The following NUSAP1 variants were observed in gnomAD, a reference collection of about 807,000 sequenced individuals.
NUSAP1 encodes the protein nucleolar and spindle-associated protein 1.
NUSAP1 carries 32 observed loss-of-function variants against 52.8 expected under a neutral mutation model. The observed-to-expected ratio is 0.61, with a 90% CI of 0.46 to 0.81. NUSAP1 has a LOEUF of 0.81. Among genes scored for constraint, NUSAP1 ranks in the 40% least tolerant of loss-of-function variants. The pLI is 0.00. For synonymous variants in NUSAP1, 195 were observed against 183.1 expected (o/e 1.06, Z -0.52); for missense variants, 499 against 522.3 (o/e 0.96, Z 0.43).
intron 2 of NUSAP1, among the ~76,000 whole-genome samples, chr15:41,346,914 T>C (rs1318652400): frequency 6.6e-6 from 1 of 151,890 alleles, no homozygotes; most frequent in East Asian, 1.9e-4. Flanking sequence ...GGCTCACGCC[T>C]GTAATCCCAC....
At chr15:41,340,126 G>A (rs1023732699) in intron 1 of NUSAP1, among the ~76,000 whole-genome samples, 12 of 152,044 alleles carry the variant, frequency 7.9e-5, no homozygotes, top group African/African-American at 2.9e-4. Flanking sequence ...CCAGCCTCTG[G>A]TCACATCTCT....
At chr15:41,364,641 G>A (rs1387207727) in intron 6 of NUSAP1, among the ~76,000 whole-genome samples, 1 of 151,872 alleles carries the variant, frequency 6.6e-6, no homozygotes, top group Non-Finnish European at 1.5e-5. Flanking sequence ...ACCAAGGCAG[G>A]CAGATCACTT....
At chr15:41,365,967 A>G (rs180855734) in intron 7 of NUSAP1, 92 of 156,420 alleles carry the variant, frequency 5.9e-4, no homozygotes, top group Middle Eastern at 3.3e-3. Context: ...TGATCTGCCC[A>G]CCTCAGCCTC....
At chr15:41,357,677 C>G (rs1231264097) in intron 5 of NUSAP1, among the ~76,000 whole-genome samples, 2 of 151,986 alleles carry the variant, frequency 1.3e-5, no homozygotes, top group African/African-American at 4.8e-5. Flanking sequence ...CTCCTGACCT[C>G]AGGTGATCTG....
intron 8 of NUSAP1, among the ~76,000 whole-genome samples, chr15:41,375,063 G>A (rs548576524): frequency 4.0e-5 from 6 of 150,446 alleles, no homozygotes; most frequent in African/African-American, 1.5e-4. Flanking sequence ...AGGCTGGAGT[G>A]CAGTGGCACG....
chr15:41,333,099 G>T (rs1348988296), intron 1 of NUSAP1, 49 bp downstream of exon 1: 2 of 1,435,966 alleles, frequency 1.4e-6, no homozygotes, highest in Non-Finnish European at 1.9e-6. Flanking sequence ...CGGGAATAGC[G>T]GCCTCGGGGA....
intron 4 of NUSAP1, chr15:41,351,881 G>A (rs2048790722): frequency 6.6e-6 from 1 of 151,896 alleles, no homozygotes; most frequent in African/African-American, 2.4e-5. Flanking sequence ...AGGTACCAGT[G>A]GTTAGGACTT....
At chr15:41,344,455 G>A (rs902812799) in intron 2 of NUSAP1, among the ~76,000 whole-genome samples, 6 of 151,546 alleles carry the variant, frequency 4.0e-5, no homozygotes, top group Admixed American at 1.3e-4. Context: ...TGGCTAACAC[G>A]GTGAAACCCT....
chr15:41,356,001 T>C (rs761648620), intron 4 of NUSAP1, 38 bp from the exon 5 acceptor site: 43 of 1,356,204 alleles, frequency 3.2e-5, no homozygotes, highest in Non-Finnish European at 4.4e-5. Flanking sequence ...TGAGAACTTT[T>C]TTGAAATCCT....
In NUSAP1 at chr15:41,365,501, C is replaced by A; in HGVS notation, c.760C>A (p.Arg254=). ...CATCAGCCAACGACGCTCGCAAGGC[C>A]GGTCTTGTGGCCCTGCAAGTCAGAG... is the stretch of plus-strand genomic sequence containing the variant. ...TPISQRRSQG[R]SCGPASQSTL... Residue 254 remains arginine (R), a synonymous_variant, in exon 7 of 11, where the codon CGG becomes AGG. Transcript: ENST00000559596. 6.2e-7 allele frequency: 1 copy of A among 1,612,624 alleles called. No individual in the cohort carries two copies. Among genetic ancestry groups the A allele is most frequent in the Non-Finnish European group, 8.5e-7 (1 of 1,179,374 alleles).
chr15:41,362,289 A>G (rs1425143720), intron 6 of NUSAP1, among the ~76,000 whole-genome samples: 1 of 151,572 alleles, frequency 6.6e-6, no homozygotes, highest in Non-Finnish European at 1.5e-5. Flanking sequence ...AAGGTACCTT[A>G]TATAGTTATA....
chr15:41,358,988 C>G (rs1373517741), intron 6 of NUSAP1, among the ~76,000 whole-genome samples: 3 of 152,048 alleles, frequency 2.0e-5, no homozygotes, highest in African/African-American at 7.2e-5. Context: ...CTCAAAGCCT[C>G]CTCAAGTAAG....
At chr15:41,341,516 C>T (rs1453020440) in intron 1 of NUSAP1, among the ~76,000 whole-genome samples, 2 of 152,148 alleles carry the variant, frequency 1.3e-5, no homozygotes, top group Non-Finnish European at 1.5e-5. Flanking sequence ...CCTAAGACCC[C>T]GTCACCTTTT....
chr15:41,340,876 A>G (rs548136798), intron 1 of NUSAP1, among the ~76,000 whole-genome samples: 1 of 152,290 alleles, frequency 6.6e-6, no homozygotes, highest in South Asian at 2.1e-4. Context: ...TTGCACCACA[A>G]GCAAAAGCTT....
At chr15:41,333,399 T>C (rs1305666863) in intron 1 of NUSAP1, among the ~76,000 whole-genome samples, 1 of 152,130 alleles carries the variant, frequency 6.6e-6, no homozygotes, top group Non-Finnish European at 1.5e-5. Flanking sequence ...GTGTCGTTAA[T>C]CGTTAGACAA....
chr15:41,375,832 T>C lies in NUSAP1; in HGVS notation c.1123+4T>C. The C allele has an allele frequency of 1.3e-6, 2 of 1,587,212 alleles. No individual in the cohort carries two copies. The highest frequency in any genetic ancestry group is 1.7e-6 in the Non-Finnish European group (2 of 1,155,684). Reference sequence around the variant, plus strand: ...CTCAACTATGAACCACACAAAGGTATGTGGGAGTGTTTTGAGCTACAGGGC... The same window carrying C: ...CTCAACTATGAACCACACAAAGGTACGTGGGAGTGTTTTGAGCTACAGGGC... On this transcript the variant is annotated splice_donor_region_variant and intron_variant, in intron 9 of 10. Transcript: ENST00000559596.
At chr15:41,347,813 CAAA>C (rs374551463) in intron 2 of NUSAP1, among the ~76,000 whole-genome samples, 4 of 95,606 alleles carry the variant, frequency 4.2e-5, no homozygotes, top group Non-Finnish European at 7.0e-5. Flanking sequence ...GACTCCGTCT[CAAA>C]AAAAAAAAAA....
intron 7 of NUSAP1, among the ~76,000 whole-genome samples, chr15:41,370,779 A>T: frequency 6.8e-6 from 1 of 147,442 alleles, no homozygotes; most frequent in Non-Finnish European, 1.5e-5. Flanking sequence ...AAAATTAGCC[A>T]GGCGCAGTGG....
At chr15:41,356,774 T>C (rs1392944993) in intron 5 of NUSAP1, among the ~76,000 whole-genome samples, 1 of 152,222 alleles carries the variant, frequency 6.6e-6, no homozygotes, top group Non-Finnish European at 1.5e-5. Context: ...TGAATCAATG[T>C]ATGAACTACT....
Sources: allele counts gnomAD v4.1 joint callset (sites outside exome capture counted in the v4.1 genomes callset), GRCh38; gene constraint gnomAD v4.1.1; transcripts MANE v1.5; gene names NCBI Gene and HGNC (gene_info 2026-07-23, HGNC 2026-07-21).